Variants in CAST observed in about 807,000 individuals in gnomAD.
CAST encodes the protein MIR583 host.
A neutral mutation model predicts 119.6 loss-of-function variants in CAST; 76 were observed. That is an observed-to-expected ratio of 0.64 (90% CI 0.53 to 0.77). The LOEUF is 0.77. CAST is among the 30% of genes least tolerant of loss of function. The pLI is 0.00. For synonymous variants in CAST, 319 were observed against 331.6 expected, an observed-to-expected ratio of 0.96 and a Z score of 0.41; for missense variants, 953 against 946.5, an observed-to-expected ratio of 1.01 and a Z score of -0.09.
the CAST span, among the ~76,000 whole-genome samples, chr5:96,185,802 T>C: frequency 2.6e-5 from 4 of 152,194 alleles, no homozygotes; most frequent in Non-Finnish European, 5.9e-5. Context: ...AGATTTGTTC[T>C]TTTTGCTTAG....
the CAST span, among the ~76,000 whole-genome samples, chr5:96,231,717 CTTTATTG>C: frequency 2.0e-5 from 3 of 151,862 alleles, no homozygotes; most frequent in African/African-American, 4.8e-5. Context: ...TTGGGTAATA[CTTTATTG>C]TTTATTATCT....
At chr5:96,758,240 C>A (rs1766779641) in intron 24 of CAST, among the ~76,000 whole-genome samples, 1 of 152,154 alleles carries the variant, frequency 6.6e-6, no homozygotes, top group Non-Finnish European at 1.5e-5. Flanking sequence ...GACAACTTTA[C>A]CTATTGATAT....
the CAST span, among the ~76,000 whole-genome samples, chr5:96,177,481 C>G: frequency 6.6e-6 from 1 of 152,282 alleles, no homozygotes; most frequent in East Asian, 1.9e-4. Flanking sequence ...TTTTCAGAGA[C>G]TCTGCCAGGA....
At chr5:96,645,620 TA>T (rs1278537850) in intron 1 of CAST, among the ~76,000 whole-genome samples, 2 of 152,080 alleles carry the variant, frequency 1.3e-5, no homozygotes, top group Non-Finnish European at 2.9e-5. Flanking sequence ...TATTTTAAAT[TA>T]TAAGATAATA....
intron 1 of CAST, among the ~76,000 whole-genome samples, chr5:96,621,104 T>G (rs1197624235): frequency 6.6e-6 from 1 of 152,184 alleles, no homozygotes; most frequent in Non-Finnish European, 1.5e-5. Flanking sequence ...AAATTTGCCC[T>G]GAAGAAAGGG....
chr5:96,066,703 A>G, the CAST span, among the ~76,000 whole-genome samples: 1 of 152,128 alleles, frequency 6.6e-6, no homozygotes. Context: ...TCTATTGCCT[A>G]GGCTGGAGTA....
At chr5:96,621,653 C>G (rs962596705) in intron 1 of CAST, among the ~76,000 whole-genome samples, 1 of 152,208 alleles carries the variant, frequency 6.6e-6, no homozygotes, top group African/African-American at 2.4e-5. Context: ...CACCTGATCC[C>G]TCCCTCCACA....
the CAST span, chr5:95,961,890 G>A: frequency 8.4e-6 from 7 of 836,172 alleles, no homozygotes; most frequent in Non-Finnish European, 8.4e-6. Context: ...GCCGCCACCC[G>A]CCCCACCCTC....
At chr5:96,113,346 A>G in the CAST span, among the ~76,000 whole-genome samples, 1 of 152,206 alleles carries the variant, frequency 6.6e-6, no homozygotes. Flanking sequence ...GTGCCTATTT[A>G]ATTTATCTGA....
the CAST span, among the ~76,000 whole-genome samples, chr5:95,975,994 CA>C: frequency 6.6e-6 from 1 of 152,100 alleles, no homozygotes; most frequent in African/African-American, 2.4e-5. Context: ...TTGTAATCTT[CA>C]AGGGCACTTT....
the CAST span, chr5:96,410,626 G>A: frequency 2.8e-6 from 2 of 723,256 alleles, no homozygotes; most frequent in South Asian, 3.0e-5. Context: ...ATGGATGCCA[G>A]CCTTTCAAGT....
chr5:96,614,583 C>T (rs1234824895), intron 1 of CAST, among the ~76,000 whole-genome samples: 2 of 152,112 alleles, frequency 1.3e-5, no homozygotes, highest in Non-Finnish European at 2.9e-5. Flanking sequence ...GATTCATTCA[C>T]TGTGGGGAAC....
chr5:96,291,840 CTGCG>C, the CAST span, among the ~76,000 whole-genome samples: 1 of 82,654 alleles, frequency 1.2e-5, no homozygotes, highest in African/African-American at 4.5e-5. Context: ...GATTCCCAGT[CTGCG>C]TGTGTGTGTG....
the CAST span, among the ~76,000 whole-genome samples, chr5:96,102,723 G>GGT: frequency 3.5e-5 from 5 of 142,246 alleles, no homozygotes; most frequent in Non-Finnish European, 4.6e-5. Context: ...TTTTCTTGGG[G>GGT]TTTTTTTTTT....
intron 1 of CAST, among the ~76,000 whole-genome samples, chr5:96,642,432 C>T (rs1747961631): frequency 6.6e-6 from 1 of 152,124 alleles, no homozygotes; most frequent in Admixed American, 6.6e-5. Flanking sequence ...TGGTTCACTA[C>T]TGAACAGGGC....
the CAST span, among the ~76,000 whole-genome samples, chr5:96,440,500 C>G: frequency 2.0e-5 from 3 of 152,014 alleles, no homozygotes; most frequent in South Asian, 2.1e-4. Flanking sequence ...TTGTTACATG[C>G]CAAGGAGAGG....
the CAST span, among the ~76,000 whole-genome samples, chr5:96,231,052 C>G: frequency 6.6e-6 from 1 of 152,062 alleles, no homozygotes; most frequent in Non-Finnish European, 1.5e-5. Context: ...ATGGTACAGT[C>G]ACCTTGGAAA....
intron 1 of CAST, among the ~76,000 whole-genome samples, chr5:96,632,556 G>T (rs970253528): frequency 6.6e-6 from 1 of 151,738 alleles, no homozygotes; most frequent in Non-Finnish European, 1.5e-5. Context: ...ATATTTCTTC[G>T]AAGAGTTTTA....
chr5:96,091,840 C>T, the CAST span, among the ~76,000 whole-genome samples: 4 of 152,158 alleles, frequency 2.6e-5, no homozygotes, highest in Non-Finnish European at 5.9e-5. Context: ...TCATGTGATA[C>T]AGGAATAACA....
Sources: allele counts gnomAD v4.1 joint callset (sites outside exome capture counted in the v4.1 genomes callset), GRCh38; gene constraint gnomAD v4.1.1; transcripts MANE v1.5; gene names NCBI Gene and HGNC (gene_info 2026-07-23, HGNC 2026-07-21).